The following KCNMA1 variants were observed in gnomAD, a reference collection of about 807,000 sequenced individuals.
KCNMA1 encodes potassium calcium-activated channel subfamily M alpha 1.
Under a neutral mutation model 140.0 loss-of-function variants are expected in KCNMA1, and 29 were observed. That is an observed-to-expected ratio of 0.21 (90% CI 0.15 to 0.28). The LOEUF is 0.28. KCNMA1 is among the 10% of genes least tolerant of loss of function. The probability of loss-of-function intolerance (pLI) is 1.00; values close to 1 mark genes in which losing one functional copy is unlikely to be tolerated. For missense variants in KCNMA1, 880 were observed against 1,602.2 expected, an observed-to-expected ratio of 0.55 and a Z score of 7.70; for synonymous variants, 612 against 611.9, an observed-to-expected ratio of 1.00 and a Z score of 0.00.
chr10:77,608,931 G>C (rs1162719905), intron 1 of KCNMA1, among the ~76,000 whole-genome samples: 2 of 93,050 alleles, frequency 2.1e-5, no homozygotes, highest in African/African-American at 4.6e-5. Flanking sequence ...CAAAAAAAGA[G>C]AGAGAGAGAG....
chr10:76,888,012 G>A (rs1354248262), intron 27 of KCNMA1: 2 of 175,260 alleles, frequency 1.1e-5, no homozygotes, highest in African/African-American at 4.8e-5. Flanking sequence ...TCACCACATG[G>A]AAGAATCTAA....
chr10:77,210,517 C>T (rs1418928987), intron 3 of KCNMA1, among the ~76,000 whole-genome samples: 1 of 152,116 alleles, frequency 6.6e-6, no homozygotes, highest in Non-Finnish European at 1.5e-5. Context: ...GCAAAGACTC[C>T]CGCTCTCATT....
chr10:77,043,640 A>G (rs1457533616), intron 14 of KCNMA1, among the ~76,000 whole-genome samples: 1 of 152,238 alleles, frequency 6.6e-6, no homozygotes, highest in African/African-American at 2.4e-5. Flanking sequence ...GGTAATTTAC[A>G]ATGGAATATT....
At chr10:76,918,895 C>T (rs1030604276) in intron 23 of KCNMA1, among the ~76,000 whole-genome samples, 7 of 148,188 alleles carry the variant, frequency 4.7e-5, no homozygotes, top group Admixed American at 3.5e-4. Flanking sequence ...TATATATATA[C>T]ACACACACAT....
At chr10:77,337,911 T>C (rs955340161) in intron 2 of KCNMA1, among the ~76,000 whole-genome samples, 1 of 152,148 alleles carries the variant, frequency 6.6e-6, no homozygotes, top group Non-Finnish European at 1.5e-5. Flanking sequence ...GAAGGACATG[T>C]TAAAATGAAG....
At chr10:76,914,032 T>A (rs945469012) in intron 24 of KCNMA1, 12 of 1,499,510 alleles carry the variant, frequency 8.0e-6, no homozygotes, top group Non-Finnish European at 1.0e-5. Flanking sequence ...GAGATACTGA[T>A]GTGAAGGAAA....
At chr10:77,221,670 T>C (rs1565311701) in intron 3 of KCNMA1, among the ~76,000 whole-genome samples, 2 of 152,182 alleles carry the variant, frequency 1.3e-5, no homozygotes, top group East Asian at 1.9e-4. Context: ...ACTTGCTATA[T>C]ACCCGCAAAA....
intron 2 of KCNMA1, among the ~76,000 whole-genome samples, chr10:77,257,147 C>T (rs1436857997): frequency 2.6e-5 from 4 of 152,088 alleles, no homozygotes; most frequent in Non-Finnish European, 4.4e-5. Flanking sequence ...GTGAGAACTC[C>T]CAAGGCAAAA....
At chr10:77,420,896 T>A (rs955102636) in intron 1 of KCNMA1, among the ~76,000 whole-genome samples, 4 of 152,222 alleles carry the variant, frequency 2.6e-5, no homozygotes, top group African/African-American at 9.6e-5. Flanking sequence ...CATGCAATGG[T>A]ACAATTCCCA....
intron 17 of KCNMA1, 62 bp downstream of exon 17, chr10:77,018,951 T>A: frequency 1.1e-6 from 1 of 912,774 alleles, no homozygotes; most frequent in Non-Finnish European, 1.8e-6. Context: ...CCTGCCTACT[T>A]CCGTGGGTCA....
At chr10:77,171,225 A>T (rs1312512681) in intron 5 of KCNMA1, among the ~76,000 whole-genome samples, 1 of 152,160 alleles carries the variant, frequency 6.6e-6, no homozygotes, top group Non-Finnish European at 1.5e-5. Flanking sequence ...GGGATGGAAC[A>T]CCCCAAATCT....
At chr10:77,392,969 A>G (rs1045331127) in intron 2 of KCNMA1, among the ~76,000 whole-genome samples, 2 of 152,172 alleles carry the variant, frequency 1.3e-5, no homozygotes, top group Non-Finnish European at 2.9e-5. Context: ...CCTGTGACAC[A>G]TGCGCCCACA....
chr10:77,387,116 A>C (rs1168890957), intron 2 of KCNMA1, among the ~76,000 whole-genome samples: 2 of 152,232 alleles, frequency 1.3e-5, no homozygotes, highest in Non-Finnish European at 2.9e-5. Flanking sequence ...GAGAGTGGAC[A>C]TAACAAACAG....
At chr10:77,396,143 G>A (rs1256741155) in intron 2 of KCNMA1, among the ~76,000 whole-genome samples, 1 of 152,190 alleles carries the variant, frequency 6.6e-6, no homozygotes, top group Admixed American at 6.5e-5. Context: ...AACTCCAACT[G>A]ATTCCCAATA....
At position 77,552,492 on chromosome 10, in the gene KCNMA1, G is replaced by A. The variant is rs531823024; in HGVS notation, c.378+84773C>T. 1.1e-4 allele frequency among the ~76,000 whole-genome samples: 16 copies of A among 152,330 alleles called. No homozygotes were observed. The East Asian group carries it at 3.1e-3, about 29-fold the overall frequency. On this transcript the variant is annotated intron_variant, in intron 1 of 27. Coordinates refer to ENST00000286628, the MANE Select transcript of KCNMA1 (RefSeq NM_001161352.2). ...ACAGTGCCCAGCATAGAGCAGTACT[G>A]TCTAGGCTGTAGCTACCACACATAC...
intron 2 of KCNMA1, among the ~76,000 whole-genome samples, chr10:77,322,604 A>G (rs1045223837): frequency 5.9e-5 from 9 of 152,202 alleles, no homozygotes; most frequent in South Asian, 2.1e-4. Context: ...ACATTTTGGT[A>G]AGAGCCCTAC....
At chr10:77,244,471 G>A (rs2058101751) in intron 3 of KCNMA1, among the ~76,000 whole-genome samples, 1 of 152,174 alleles carries the variant, frequency 6.6e-6, no homozygotes, top group Admixed American at 6.5e-5. Flanking sequence ...CTTGTGCAAT[G>A]ACAAATAAGC....
Position 77,526,608 on chromosome 10 carries a change from T to C in KCNMA1, c.378+110657A>G, listed in dbSNP as rs1316813490. ...AATGGCACTGACTTGCCCTTCTCCA[T>C]GGAGACGATGAGCACAGCCATGAAC... On this transcript the variant is annotated intron_variant, in intron 1 of 27. Transcript: ENST00000286628. Among the ~76,000 whole-genome samples the C allele has an allele frequency of 2.6e-5, 4 of 152,332 alleles. No homozygotes were observed. In the East Asian group the frequency reaches 7.7e-4, roughly 29 times the overall value.
At chr10:77,127,818 CA>C (rs1266436355) in intron 5 of KCNMA1, among the ~76,000 whole-genome samples, 1 of 151,850 alleles carries the variant, frequency 6.6e-6, no homozygotes, top group Non-Finnish European at 1.5e-5. Context: ...ACCAAAAATA[CA>C]AAAAATTAAC....
Sources: gnomAD v4.1 joint callset for allele counts (sites outside exome capture counted in the v4.1 genomes callset) on GRCh38, gnomAD v4.1.1 for gene constraint, MANE v1.5 for transcripts, NCBI Gene and HGNC (gene_info 2026-07-23, HGNC 2026-07-21) for gene names.